The following KAT7 variants were observed in gnomAD, a reference collection of about 807,000 sequenced individuals.
KAT7 encodes histone acetyltransferase KAT7.
Under a neutral mutation model 82.1 loss-of-function variants are expected in KAT7, and 10 were observed. That is an observed-to-expected ratio of 0.12 (90% CI 0.08 to 0.21). The LOEUF (loss-of-function observed/expected upper bound fraction) is 0.21, where lower values mean the gene tolerates loss of function less well. Among genes scored for constraint, KAT7 ranks in the 10% least tolerant of loss-of-function variants. The probability of loss-of-function intolerance (pLI) is 1.00; values close to 1 mark genes in which losing one functional copy is unlikely to be tolerated. For synonymous variants in KAT7, 250 were observed against 262.5 expected (o/e 0.95, Z 0.46); for missense variants, 378 against 760.9 (o/e 0.50, Z 5.92).
At chr17:49,795,628 A>G (rs919210364) in intron 2 of KAT7, 3 of 244,516 alleles carry the variant, frequency 1.2e-5, no homozygotes, top group Non-Finnish European at 2.7e-5. Context: ...GCTGAAGAAA[A>G]GGGACAAAAA....
intron 2 of KAT7, among the ~76,000 whole-genome samples, chr17:49,793,775 G>T (rs1159017871): frequency 1.3e-5 from 2 of 152,024 alleles, no homozygotes; most frequent in Non-Finnish European, 1.5e-5. Flanking sequence ...GTTTCACCAT[G>T]TTGGCCAGGA....
At chr17:49,820,293 CTTT>C (rs1287781132) in intron 9 of KAT7, among the ~76,000 whole-genome samples, 1 of 144,544 alleles carries the variant, frequency 6.9e-6, no homozygotes, top group African/African-American at 2.5e-5. Context: ...ACACTTTTTT[CTTT>C]TTTTTTTTTG....
chr17:49,827,000 A>G, intron 14 of KAT7: 1 of 484,862 alleles, frequency 2.1e-6, no homozygotes, highest in South Asian at 2.8e-5. Flanking sequence ...CTCCTGTCTC[A>G]AATTTGGATG....
chr17:49,804,441 G>A (rs112480726), intron 4 of KAT7, among the ~76,000 whole-genome samples: 5,103 of 151,890 alleles, frequency 0.034, 113 homozygotes, highest in Non-Finnish European at 0.05. Flanking sequence ...ACAAGCTTTC[G>A]TGTTTTGTTA....
chr17:49,801,594 A>G (rs1260642603), intron 4 of KAT7, among the ~76,000 whole-genome samples: 2 of 151,960 alleles, frequency 1.3e-5, no homozygotes, highest in Non-Finnish European at 2.9e-5. Context: ...GGCTTAATTG[A>G]TCCTCCAACC....
intron 4 of KAT7, among the ~76,000 whole-genome samples, chr17:49,799,008 C>T (rs1305639978): frequency 6.6e-6 from 1 of 152,202 alleles, no homozygotes; most frequent in African/African-American, 2.4e-5. Context: ...ACATGAGACC[C>T]TGGCCTTCTG....
intron 7 of KAT7, among the ~76,000 whole-genome samples, chr17:49,814,563 C>A (rs558136594): frequency 6.6e-6 from 1 of 152,270 alleles, no homozygotes; most frequent in Admixed American, 6.5e-5. Context: ...AGGTAACTTA[C>A]CTAAAATCAT....
At chr17:49,792,699 A>C (rs1204658165) in intron 2 of KAT7, among the ~76,000 whole-genome samples, 2 of 152,212 alleles carry the variant, frequency 1.3e-5, no homozygotes, top group Non-Finnish European at 2.9e-5. Flanking sequence ...TTTATTAAAA[A>C]TAGGCTTTGT....
intron 11 of KAT7, 145 bp downstream of exon 11, chr17:49,821,935 C>T (rs1023171238): frequency 1.0e-5 from 7 of 678,314 alleles, no homozygotes; most frequent in Non-Finnish European, 1.8e-5. Context: ...AAAAAAAAGG[C>T]AAACCCATGT....
intron 1 of KAT7, chr17:49,789,998 C>G (rs1567844465): frequency 6.6e-6 from 1 of 152,098 alleles, no homozygotes; most frequent in Non-Finnish European, 1.5e-5. Context: ...TTTTAAGATT[C>G]CCCCTTCATT....
At chr17:49,818,301 T>C (rs2143956996) in intron 9 of KAT7, among the ~76,000 whole-genome samples, 1 of 152,322 alleles carries the variant, frequency 6.6e-6, no homozygotes, top group East Asian at 1.9e-4. Context: ...CTCCTTGGAA[T>C]ATGAATTACC....
At chr17:49,827,186 G>A (rs2074378425) in intron 14 of KAT7, 1 of 549,810 alleles carries the variant, frequency 1.8e-6, no homozygotes, top group Admixed American at 3.3e-5. Context: ...ATAAAGGTCG[G>A]TGAGCGATGA....
chr17:49,817,686 C>T (rs530238102), intron 8 of KAT7, 134 bp from the exon 9 acceptor site: 219 of 638,202 alleles, frequency 3.4e-4, no homozygotes, highest in Admixed American at 1.8e-3. Context: ...AGGCTGGTCT[C>T]GAACTCCTGG....
At position 49,811,402 on chromosome 17, in the gene KAT7, G is replaced by C; in HGVS notation, c.754-74G>C. On this transcript the variant is annotated intron_variant, in intron 6 of 14. Coordinates refer to ENST00000259021, the MANE Select transcript of KAT7 (RefSeq NM_007067.5). The stretch of plus-strand genomic sequence containing the variant: ...GATTACAGGCGTGAGCTACTGTGCC[G>C]GGCCTTGGCACTTTCATTTTGAAGC... The C allele has an allele frequency of 4.1e-6, 3 of 724,822 alleles. No homozygotes were observed. The South Asian group carries it at 6.8e-5, about 16-fold the overall frequency. The allele number at this position is 724,822 out of a possible 1,614,324, so 44.9% of individuals were successfully genotyped here. A position where few individuals can be genotyped will look rare whatever the true frequency, so the allele number is the denominator to read the frequency against.
chr17:49,798,237 T>C, intron 3 of KAT7, 82 bp from the exon 4 acceptor site: 1 of 1,346,558 alleles, frequency 7.4e-7, no homozygotes, highest in Non-Finnish European at 1.0e-6. Flanking sequence ...AAAAAGAACC[T>C]GGGAAGCCCA....
intron 10 of KAT7, 90 bp downstream of exon 10, chr17:49,821,516 A>G (rs1016673484): frequency 1.2e-5 from 18 of 1,480,174 alleles, no homozygotes; most frequent in Non-Finnish European, 1.6e-5. Context: ...ACACCTTGTG[A>G]AGGACATAGA....
chr17:49,814,642 T>G (rs918984707), intron 7 of KAT7, among the ~76,000 whole-genome samples: 1 of 152,204 alleles, frequency 6.6e-6, no homozygotes, highest in African/African-American at 2.4e-5. Context: ...CTGCTCTGCT[T>G]TTTAGTAATT....
chr17:49,791,758 G>A, intron 1 of KAT7, 128 bp from the exon 2 acceptor site: 1 of 863,962 alleles, frequency 1.2e-6, no homozygotes, highest in Non-Finnish European at 1.9e-6. Flanking sequence ...GATGAGAAAT[G>A]CTTGTGGAAT....
rs1262268988 is a variant in KAT7, at chr17:49,829,059, C to G, written c.*1557C>G. On this transcript the variant is annotated 3_prime_UTR_variant, in exon 15 of 15. Coordinates refer to ENST00000259021, the MANE Select transcript of KAT7 (RefSeq NM_007067.5). ...CCCACATGTGGTAGAATGTGCTCTTCTATATCTACTCCTCAATAAAGCATG... is the reference window on the plus strand; with the variant it reads ...CCCACATGTGGTAGAATGTGCTCTTGTATATCTACTCCTCAATAAAGCATG... The G allele has an allele frequency of 6.6e-6, 1 of 152,652 alleles. No homozygotes were observed. Among genetic ancestry groups the G allele is most frequent in the African/African-American group, 2.4e-5 (1 of 41,436 alleles). 9.5% of individuals were successfully genotyped at this position (152,652 alleles called of 1,614,324 possible). A position where few individuals can be genotyped will look rare whatever the true frequency, so the allele number is the denominator to read the frequency against.
Sources: gnomAD v4.1 joint callset for allele counts (sites outside exome capture counted in the v4.1 genomes callset) on GRCh38, gnomAD v4.1.1 for gene constraint, MANE v1.5 for transcripts, NCBI Gene and HGNC (gene_info 2026-07-23, HGNC 2026-07-21) for gene names.